Variants in RGL3 observed in about 807,000 individuals in gnomAD.
RGL3 encodes the protein ral guanine nucleotide dissociation stimulator-like 3.
A neutral mutation model predicts 90.6 loss-of-function variants in RGL3; 85 were observed. That is an observed-to-expected ratio of 0.94 (90% confidence interval 0.79 to 1.12). The LOEUF (loss-of-function observed/expected upper bound fraction) is 1.12. RGL3 is among the 50% of genes most tolerant of loss of function. The pLI, the probability that RGL3 is intolerant of heterozygous loss-of-function variation, is 0.00. For synonymous variants in RGL3, 408 were observed against 385.5 expected, an observed-to-expected ratio of 1.06 and a Z score of -0.68; for missense variants, 1,034 against 939.2, an observed-to-expected ratio of 1.10 and a Z score of -1.32.
At position 11,402,552 on chromosome 19, in the gene RGL3, C is replaced by A; in HGVS notation, c.1243-11G>T. 1 of 1,605,846 alleles carries A rather than the reference C, an allele frequency of 6.2e-7. No homozygotes were observed. Among genetic ancestry groups the A allele is most frequent in the Non-Finnish European group, 8.5e-7 (1 of 1,177,672 alleles). On this transcript the variant is annotated splice_polypyrimidine_tract_variant and intron_variant, in intron 10 of 18. Transcript: ENST00000380456. ...GCCTGGGGGTGGTTTCTGCAGCCCC[C>A]AAAGCTCCAGTCACTTGGGGCCATT...
At position 11,394,247 on chromosome 19, in the gene RGL3, A is replaced by G. The variant is rs1361121914; in HGVS notation, c.*155T>C. On this transcript the variant is annotated 3_prime_UTR_variant, in exon 19 of 19. Coordinates refer to ENST00000380456, the MANE Select transcript of RGL3 (RefSeq NM_001035223.4). The stretch of plus-strand genomic sequence containing the variant: ...TGGAATATGGATCTAGTACCAACAG[A>G]GTCAGAAAAAGAGATGGGGTCCAAT... 2 of 675,202 alleles carry G rather than the reference A, an allele frequency of 3.0e-6. No individual in the cohort carries two copies. The highest frequency in any genetic ancestry group is 5.4e-6 in the Non-Finnish European group (2 of 368,546). The allele number at this position is 675,202 out of a possible 1,614,324, so 41.8% of individuals were successfully genotyped here.
rs1005399209 is a variant in RGL3, at chr19:11,397,677, C to T, written c.1747-80G>A. 3.0e-6 allele frequency: 4 copies of T among 1,352,400 alleles called. No homozygotes were observed. In the African/African-American group the frequency reaches 4.4e-5, roughly 15 times the overall value. The allele number at this position is 1,352,400 out of a possible 1,614,324, so 83.8% of individuals were successfully genotyped here. Reference sequence around the variant, plus strand: ...GCTAGAAAAGCACGAACACCCCAGCCACCACTGGTGCATTCAATAGCCCCA... The same window carrying T: ...GCTAGAAAAGCACGAACACCCCAGCTACCACTGGTGCATTCAATAGCCCCA... On this transcript the variant is annotated intron_variant, in intron 16 of 18. Coordinates refer to ENST00000380456, the MANE Select transcript of RGL3 (RefSeq NM_001035223.4).
chr19:11,395,102 A>C (rs1474741690), intron 18 of RGL3, among the ~76,000 whole-genome samples: 1 of 151,416 alleles, frequency 6.6e-6, no homozygotes. Context: ...CAAAAAAAAA[A>C]AAACAAAAAC....
rs541692824 is a variant in RGL3 at position 11,401,863 on chromosome 19, G to T, written c.1484+148C>A. ...GCCCAGTCTATTTGATTCGACTGGAGATACTGCAAGGTCACAGGTTGTAGT... is the reference window on the plus strand; with the variant it reads ...GCCCAGTCTATTTGATTCGACTGGATATACTGCAAGGTCACAGGTTGTAGT... On this transcript the variant is annotated intron_variant, in intron 13 of 18. Coordinates refer to ENST00000380456, the MANE Select transcript of RGL3 (RefSeq NM_001035223.4). 4 of 1,067,566 alleles carry T rather than the reference G, an allele frequency of 3.7e-6. No individual in the cohort carries two copies. In the South Asian group the frequency reaches 7.7e-5, roughly 21 times the overall value. 66.1% of individuals were successfully genotyped at this position (1,067,566 alleles called of 1,614,324 possible).
At chr19:11,394,633 T>C in intron 18 of RGL3, 113 bp from the exon 19 acceptor site, 1 of 750,484 alleles carries the variant, frequency 1.3e-6, no homozygotes, top group Non-Finnish European at 2.3e-6. Flanking sequence ...CATGGGTCCC[T>C]CTGCAGCTAC....
At chr19:11,401,763 T>C (rs1220807917) in intron 13 of RGL3, among the ~76,000 whole-genome samples, 2 of 151,998 alleles carry the variant, frequency 1.3e-5, no homozygotes, top group African/African-American at 4.8e-5. Flanking sequence ...CCCAGGCTGG[T>C]CTCGAAATCC....
chr19:11,407,525 T>G (rs1968804275), intron 5 of RGL3, among the ~76,000 whole-genome samples: 1 of 151,998 alleles, frequency 6.6e-6, no homozygotes, highest in South Asian at 2.1e-4. Context: ...AGCTTTATGA[T>G]TTTTAACATG....
intron 5 of RGL3, among the ~76,000 whole-genome samples, chr19:11,409,180 A>G (rs557186130): frequency 1.3e-5 from 2 of 149,448 alleles, no homozygotes; most frequent in East Asian, 4.0e-4. Context: ...AAAAAAAAAA[A>G]AAAAAGAAAA....
rs774750402 is a variant in RGL3 at position 11,402,497 on chromosome 19, C to T, written c.1287G>A (p.Thr429=). ...GGGCTGTGTCCAGCATAACCAGGTC[C>T]GTAAGGAAGGTGCCAAGGTAGGGGA... is the stretch of plus-strand genomic sequence containing the variant. The part of the protein sequence containing the change: ...GPVPYLGTFL[T]DLVMLDTALP... Residue 429 remains threonine (T), a synonymous_variant, in exon 11 of 19, where the codon ACG becomes ACA. Transcript: ENST00000380456. 26 of 1,604,966 alleles carry T rather than the reference C, an allele frequency of 1.6e-5. No homozygotes were observed. The highest frequency in any genetic ancestry group is 6.7e-5 in the East Asian group (3 of 44,826).
rs866771676 is a variant in RGL3, at chr19:11,403,732, G to A, written c.1186-1026C>T. Among the ~76,000 whole-genome samples the A allele has an allele frequency of 7.9e-5, 12 of 151,806 alleles. No homozygotes were observed. The South Asian group carries it at 2.5e-3, about 32-fold the overall frequency. ...GATGAGGGTAGGGAGGAGATAAACA[G>A]CAGGGAGCAGGCCCCATGAGAGGTG... On this transcript the variant is annotated intron_variant, in intron 9 of 18. Transcript: ENST00000380456.
intron 11 of RGL3, 59 bp from the exon 12 acceptor site, chr19:11,402,306 CA>C: frequency 6.3e-7 from 1 of 1,599,846 alleles, no homozygotes; most frequent in Middle Eastern, 1.7e-4. Flanking sequence ...GGGTCAAGGT[CA>C]GGGGCTGGGA....
At chr19:11,406,929 T>TGAGTCC in intron 5 of RGL3, 65 bp from the exon 6 acceptor site, 1 of 1,498,278 alleles carries the variant, frequency 6.7e-7, no homozygotes, top group Non-Finnish European at 9.1e-7. Context: ...TGACCTTGGG[T>TGAGTCC]GAGTCCCTGT....
intron 16 of RGL3, among the ~76,000 whole-genome samples, chr19:11,398,837 A>C (rs1968621824): frequency 6.6e-6 from 1 of 151,092 alleles, no homozygotes; most frequent in Non-Finnish European, 1.5e-5. Flanking sequence ...TACCCAGCTA[A>C]TTTTTCTATT....
chr19:11,400,604 C>A (rs1243340111), intron 13 of RGL3, among the ~76,000 whole-genome samples: 6 of 151,810 alleles, frequency 4.0e-5, no homozygotes, highest in Admixed American at 2.6e-4. Flanking sequence ...GTAATCCTAG[C>A]ACTTTGGGAG....
chr19:11,408,347 C>T (rs1489877998), intron 5 of RGL3, among the ~76,000 whole-genome samples: 4 of 152,100 alleles, frequency 2.6e-5, no homozygotes, highest in African/African-American at 2.4e-5. Flanking sequence ...TTTGGGAGGC[C>T]GAGGCGGGTG....
chr19:11,415,923 T>C lies in RGL3; in HGVS notation c.637+14A>G, dbSNP rs1968984824. 1.9e-6 allele frequency: 3 copies of C among 1,602,718 alleles called. No homozygotes were observed. Among genetic ancestry groups the C allele is most frequent in the Non-Finnish European group, 2.6e-6 (3 of 1,175,584 alleles). ...GGCCTTCTCAGAACACGACTGGATC[T>C]GAAAACCCCTCACCTGTCCACACCT... On this transcript the variant is annotated intron_variant, in intron 5 of 18. Transcript: ENST00000380456.
chr19:11,416,693 A>T, intron 3 of RGL3, 26 bp from the exon 4 acceptor site: 1 of 1,611,686 alleles, frequency 6.2e-7, no homozygotes, highest in East Asian at 2.2e-5. Flanking sequence ...CCAGCAGGTG[A>T]AGAAGGGGGA....
At position 11,416,891 on chromosome 19, in the gene RGL3, T is replaced by A. The variant is rs1969010296; in HGVS notation, c.316A>T (p.Thr106Ser). The A allele has an allele frequency of 6.2e-7, 1 of 1,613,850 alleles. No individual in the cohort carries two copies. Residue 106 changes from threonine (T) to serine (S), a missense_variant, in exon 3 of 19, where the codon ACT becomes TCT. Thr to Ser is a moderately conservative substitution (Grantham distance 58, BLOSUM62 1). Transcript: ENST00000380456. Reference sequence around the variant, plus strand: ...AGCAGAAAGCCCAGCAGGCAGGCAGTGGGTACAAAGGTCCGGTAGGTGGCC... The same window carrying A: ...AGCAGAAAGCCCAGCAGGCAGGCAGAGGGTACAAAGGTCCGGTAGGTGGCC... ...FLATYRTFVP[T>S]ACLLGFLLPP...
At chr19:11,405,581 G>A (rs1477621358) in intron 7 of RGL3, among the ~76,000 whole-genome samples, 155 bp from the exon 8 acceptor site, 1 of 124,482 alleles carries the variant, frequency 8.0e-6, no homozygotes, top group Non-Finnish European at 1.6e-5. Flanking sequence ...GCAGTGGCTC[G>A]ATCATAGCTC....
Sources: gnomAD v4.1 joint callset for allele counts (sites outside exome capture counted in the v4.1 genomes callset) on GRCh38, gnomAD v4.1.1 for gene constraint, MANE v1.5 for transcripts, NCBI Gene and HGNC (gene_info 2026-07-23, HGNC 2026-07-21) for gene names.